Variants in GARRE1 observed in about 807,000 individuals in gnomAD.
The protein encoded by GARRE1 is granule associated Rac and RHOG effector 1.
GARRE1 carries 49 observed loss-of-function variants against 103.2 expected under a neutral mutation model. The ratio of observed to expected loss-of-function variants is 0.47; its 90% CI spans 0.38 to 0.60. GARRE1 has a LOEUF of 0.60. GARRE1 is among the 20% of genes least tolerant of loss of function. The pLI, the probability that GARRE1 is intolerant of heterozygous loss-of-function variation, is 0.00. For missense variants in GARRE1, 1,199 were observed against 1,370.5 expected (o/e 0.87, Z 1.98); for synonymous variants, 505 against 532.8 (o/e 0.95, Z 0.72).
chr19:34,274,055 A>T (rs2073802927), intron 1 of GARRE1, among the ~76,000 whole-genome samples: 1 of 152,004 alleles, frequency 6.6e-6, no homozygotes, highest in South Asian at 2.1e-4. Context: ...GGAGGTAAAA[A>T]CAGTAGCTTT....
At chr19:34,340,033 A>AGT (rs1568310937) in intron 9 of GARRE1, 41 bp downstream of exon 9, 1 of 1,610,064 alleles carries the variant, frequency 6.2e-7, no homozygotes, top group African/African-American at 1.3e-5. Context: ...ACCGAGGGAC[A>AGT]GTGTGACTAT....
At chr19:34,301,561 C>G (rs1212257855) in intron 2 of GARRE1, among the ~76,000 whole-genome samples, 1 of 150,232 alleles carries the variant, frequency 6.7e-6, no homozygotes, top group Non-Finnish European at 1.5e-5. Context: ...AACAAACCAG[C>G]CAATATTTTA....
At chr19:34,280,991 A>G (rs966639108) in intron 1 of GARRE1, among the ~76,000 whole-genome samples, 1 of 152,018 alleles carries the variant, frequency 6.6e-6, no homozygotes, top group African/African-American at 2.4e-5. Context: ...AAAAAGATAC[A>G]CCATGATTTC....
At chr19:34,286,107 G>A (rs918129296) in intron 1 of GARRE1, among the ~76,000 whole-genome samples, 1 of 152,158 alleles carries the variant, frequency 6.6e-6, no homozygotes, top group African/African-American at 2.4e-5. Flanking sequence ...CGAGACAGGT[G>A]GATTGCTTGA....
intron 12 of GARRE1, among the ~76,000 whole-genome samples, chr19:34,350,601 A>C (rs767316050): frequency 6.6e-6 from 1 of 151,954 alleles, no homozygotes; most frequent in Non-Finnish European, 1.5e-5. Flanking sequence ...TGTTTTTTTG[A>C]GACGGAGTCT....
At chr19:34,311,259 A>G (rs922351476) in intron 2 of GARRE1, among the ~76,000 whole-genome samples, 1 of 152,230 alleles carries the variant, frequency 6.6e-6, no homozygotes, top group African/African-American at 2.4e-5. Context: ...TGTACCTGGA[A>G]TAAGGACTAC....
intron 1 of GARRE1, among the ~76,000 whole-genome samples, chr19:34,263,635 G>A (rs757039283): frequency 4.0e-5 from 6 of 151,758 alleles, no homozygotes; most frequent in African/African-American, 7.3e-5. Context: ...CCGCCACTAC[G>A]TCTGGCTAAT....
chr19:34,333,807 G>A lies in GARRE1; in HGVS notation c.1361+6G>A, dbSNP rs770233895. 6.5e-6 allele frequency: 10 copies of A among 1,541,972 alleles called. No homozygotes were observed. The South Asian group carries it at 6.7e-5, about 10-fold the overall frequency. ...GTTCAAGTCCCATCCACATGGTAACGTGCCTCTTACTTTCACCGGAGCCTA... is the reference window on the plus strand; with the variant it reads ...GTTCAAGTCCCATCCACATGGTAACATGCCTCTTACTTTCACCGGAGCCTA... On this transcript the variant is annotated splice_donor_region_variant and intron_variant, in intron 8 of 13. Transcript: ENST00000299505.
chr19:34,300,647 C>G lies in GARRE1; in HGVS notation c.174C>G (p.Thr58=), dbSNP rs780342636. ...CCACTGCCCCCCTGGGCAGTCTGACCGCTGCAGGCAGCTGCCACCATGCCA... is the reference window on the plus strand; with the variant it reads ...CCACTGCCCCCCTGGGCAGTCTGACGGCTGCAGGCAGCTGCCACCATGCCA... ...TATTAPLGSL[T]AAGSCHHAMP... The change falls in exon 2 of 14, where the codon ACC becomes ACG. Residue 58 remains threonine (T), a synonymous_variant. Coordinates refer to ENST00000299505, the MANE Select transcript of GARRE1 (RefSeq NM_014686.5). 2 of 1,613,828 alleles carry G rather than the reference C, an allele frequency of 1.2e-6. No individual in the cohort carries two copies. Among genetic ancestry groups the G allele is most frequent in the East Asian group, 2.2e-5 (1 of 44,884 alleles).
intron 8 of GARRE1, among the ~76,000 whole-genome samples, chr19:34,337,652 G>A (rs769411186): frequency 3.3e-5 from 5 of 152,120 alleles, no homozygotes; most frequent in Non-Finnish European, 5.9e-5. Context: ...ACAGGTAGAG[G>A]GTTTTAGGCA....
intron 3 of GARRE1, among the ~76,000 whole-genome samples, chr19:34,323,628 C>T (rs1175985954): frequency 1.3e-5 from 2 of 152,112 alleles, no homozygotes; most frequent in African/African-American, 4.8e-5. Flanking sequence ...GCCCTGAGGT[C>T]CAGACCTGCA....
intron 1 of GARRE1, among the ~76,000 whole-genome samples, chr19:34,285,675 C>CT (rs982420051): frequency 3.2e-4 from 47 of 148,246 alleles, no homozygotes; most frequent in South Asian, 6.5e-4. Context: ...GTTCCATGAC[C>CT]TTTTTTTTTT....
rs1156567790 is a variant in GARRE1, at chr19:34,342,233, G to T, written c.2299G>T (p.Ala767Ser). The change falls in exon 10 of 14, where the codon GCT (alanine) becomes TCT (serine). Residue 767 changes from alanine to serine, a missense_variant. Ala to Ser is a moderately conservative substitution (Grantham distance 99). Transcript: ENST00000299505. ...VHGSSQQPAQ[A>S]VGAGLSPLGQ... ...TGGCTCATCCCAGCAGCCAGCGCAG[G>T]CTGTTGGAGCAGGTCTGTCTCCTCT... is the stretch of plus-strand genomic sequence containing the variant. 1 of 1,614,126 alleles carries T rather than the reference G, an allele frequency of 6.2e-7. No individual in the cohort carries two copies. Among genetic ancestry groups the T allele is most frequent in the Non-Finnish European group, 8.5e-7 (1 of 1,180,060 alleles).
At chr19:34,343,761 C>A (rs558226866) in intron 10 of GARRE1, among the ~76,000 whole-genome samples, 1 of 152,188 alleles carries the variant, frequency 6.6e-6, no homozygotes, top group African/African-American at 2.4e-5. Context: ...GTGGGAAGAT[C>A]GCTTGAGCTC....
chr19:34,302,248 T>A (rs1198950353), intron 2 of GARRE1, among the ~76,000 whole-genome samples: 1 of 142,782 alleles, frequency 7.0e-6, no homozygotes, highest in African/African-American at 2.6e-5. Context: ...CGCCTCAGCC[T>A]CCCAAAGTGC....
At chr19:34,344,819 G>A (rs2074203276) in intron 10 of GARRE1, among the ~76,000 whole-genome samples, 1 of 149,742 alleles carries the variant, frequency 6.7e-6, no homozygotes. Flanking sequence ...GACTACAGGT[G>A]CCTGCCACCA....
intron 1 of GARRE1, among the ~76,000 whole-genome samples, chr19:34,284,906 A>AATC (rs1303991347): frequency 2.0e-5 from 3 of 152,190 alleles, no homozygotes; most frequent in African/African-American, 7.2e-5. Flanking sequence ...TAATAATAAT[A>AATC]ATTAGCTGGG....
intron 1 of GARRE1, among the ~76,000 whole-genome samples, chr19:34,258,789 C>CAA (rs5827898): frequency 4.3e-4 from 62 of 144,320 alleles, no homozygotes; most frequent in South Asian, 6.6e-4. Flanking sequence ...GACTCCGTCT[C>CAA]AAAAAAAAAA....
At chr19:34,313,274 C>T (rs1474939561) in intron 2 of GARRE1, among the ~76,000 whole-genome samples, 1 of 151,906 alleles carries the variant, frequency 6.6e-6, no homozygotes, top group Non-Finnish European at 1.5e-5. Context: ...CTGGGGCACT[C>T]CCACATTTAC....
Sources: gnomAD v4.1 joint callset for allele counts (sites outside exome capture counted in the v4.1 genomes callset) on GRCh38, gnomAD v4.1.1 for gene constraint, MANE v1.5 for transcripts, NCBI Gene and HGNC (gene_info 2026-07-23, HGNC 2026-07-21) for gene names.